SNW1: variants seen among roughly 807,000 people sequenced by gnomAD.
SNW1 encodes the protein SNW domain-containing protein 1.
Under a neutral mutation model 75.6 loss-of-function variants are expected in SNW1, and 9 were observed. That is an observed-to-expected ratio of 0.12 (90% CI 0.07 to 0.21). The LOEUF is 0.21. SNW1 is among the 10% of genes least tolerant of loss of function. The pLI is 1.00. For missense variants in SNW1, 409 were observed against 670.9 expected, an observed-to-expected ratio of 0.61 and a Z score of 4.31; for synonymous variants, 200 against 219.1, an observed-to-expected ratio of 0.91 and a Z score of 0.77.
rs767018975 is a variant in SNW1, at chr14:77,718,015, A to G, written c.*73T>C. 5.0e-6 allele frequency: 7 copies of G among 1,388,768 alleles called. No homozygotes were observed. In the African/African-American group the frequency reaches 7.2e-5, roughly 14 times the overall value. 86.0% of individuals were successfully genotyped at this position (1,388,768 alleles called of 1,614,324 possible). A position where few individuals can be genotyped will look rare whatever the true frequency, so the allele number is the denominator to read the frequency against. On this transcript the variant is annotated 3_prime_UTR_variant, in exon 14 of 14. Transcript: ENST00000261531. ...TTTGGTTTTTATCCTGACCATTTAC[A>G]AAGTGTTCCCCCATATGACTTGCAT...
chr14:77,733,495 A>G (rs2080643433), intron 8 of SNW1, among the ~76,000 whole-genome samples: 1 of 152,096 alleles, frequency 6.6e-6, no homozygotes, highest in Admixed American at 6.6e-5. Context: ...CTGTAATCCC[A>G]ACACTTTGGG....
chr14:77,723,142 CG>C (rs2080556843), intron 11 of SNW1, 38 bp downstream of exon 11: 1 of 1,531,392 alleles, frequency 6.5e-7, no homozygotes, highest in Non-Finnish European at 9.0e-7. Flanking sequence ...CCACTGCGCC[CG>C]GCCACCATGA....
At chr14:77,734,899 T>G in intron 8 of SNW1, 48 bp downstream of exon 8, 1 of 1,285,106 alleles carries the variant, frequency 7.8e-7, no homozygotes, top group Non-Finnish European at 1.1e-6. Context: ...TTTACTGGTG[T>G]TTTCCAGTAG....
chr14:77,718,651 G>A (rs2080510789), intron 12 of SNW1, 121 bp from the exon 13 acceptor site: 4 of 585,126 alleles, frequency 6.8e-6, no homozygotes, highest in Non-Finnish European at 1.2e-5. Context: ...AATCTGAACT[G>A]CAAATTAAAA....
At chr14:77,749,359 A>G (rs901574508) in intron 3 of SNW1, among the ~76,000 whole-genome samples, 2 of 152,222 alleles carry the variant, frequency 1.3e-5, no homozygotes, top group African/African-American at 4.8e-5. Context: ...GAGTGAAAGG[A>G]AAGTGAAGAA....
intron 3 of SNW1, among the ~76,000 whole-genome samples, chr14:77,745,716 G>GT (rs1051124494): frequency 2.7e-5 from 4 of 148,458 alleles, no homozygotes; most frequent in Admixed American, 6.7e-5. Context: ...CAGAAAAAAA[G>GT]TTTTTTTCTT....
At position 77,718,463 on chromosome 14, in the gene SNW1, C is replaced by G. The variant is rs770710684; in HGVS notation, c.1316G>C (p.Gly439Ala). The G allele has an allele frequency of 1.6e-5, 26 of 1,613,972 alleles. No individual in the cohort carries two copies. The highest frequency in any genetic ancestry group is 2.1e-5 in the Non-Finnish European group (25 of 1,179,982). Residue 439 changes from glycine (G) to alanine (A), a missense_variant, in exon 13 of 14, where the codon GGT becomes GCT. Gly to Ala is a moderately conservative substitution (Grantham distance 60). Around this residue, in one of 9 missense-constraint regions of SNW1, gnomAD observed 126 missense variants for 167.6 expected, o/e 0.75. Coordinates refer to ENST00000261531, the MANE Select transcript of SNW1 (RefSeq NM_012245.3). ...IYNVYDQAWR[G>A]GKDMAQSIYR... ...AATACTCTGGGCCATATCTTTACCA[C>G]CTCTCCAGGCTTGATCATAAACATT...
Position 77,732,523 on chromosome 14 carries a change from C to T in SNW1, c.853G>A (p.Ala285Thr), listed in dbSNP as rs1290646315. The change falls in exon 9 of 14, where the codon GCC becomes ACC. Residue 285 changes from alanine (A) to threonine (T), a missense_variant. By Grantham distance (58) the Ala-to-Thr change is moderately conservative. Transcript: ENST00000261531. ...LQTVHINENFAKLAEALYIAD... is the reference protein window; with the variant it reads ...LQTVHINENFTKLAEALYIAD... ...ATGTAGAGGGCTTCTGCCAATTTGG[C>T]GAAATTTTCATTTATGTGTACTGTC... 3.1e-6 allele frequency: 5 copies of T among 1,612,836 alleles called. No individual in the cohort carries two copies. The highest frequency in any genetic ancestry group is 1.7e-5 in the Admixed American group (1 of 60,006).
Position 77,739,645 on chromosome 14 carries a change from T to C in SNW1, c.331-584A>G, listed in dbSNP as rs566112399. 1.8e-3 allele frequency among the ~76,000 whole-genome samples: 270 copies of C among 151,860 alleles called. 1 individual carries two copies. The highest frequency in any genetic ancestry group is 6.2e-3 in the African/African-American group (255 of 41,320). Reference sequence around the variant, plus strand: ...AAAAGAAAAAGAAAAATATATTCTATATATACAACTTATTTTATATCCATT... The same window carrying C: ...AAAAGAAAAAGAAAAATATATTCTACATATACAACTTATTTTATATCCATT... On this transcript the variant is annotated intron_variant, in intron 3 of 13. Coordinates refer to ENST00000261531, the MANE Select transcript of SNW1 (RefSeq NM_012245.3).
chr14:77,738,952 C>G lies in SNW1; in HGVS notation c.426+14G>C. 6.2e-7 allele frequency: 1 copy of G among 1,611,868 alleles called. No individual in the cohort carries two copies. Among genetic ancestry groups the G allele is most frequent in the Non-Finnish European group, 8.5e-7 (1 of 1,177,930 alleles). ...GGATGTAAATAGTCATCGAATATAT[C>G]AATTCCCAGTTACCTCTTTAATAGC... is the stretch of plus-strand genomic sequence containing the variant. On this transcript the variant is annotated intron_variant, in intron 4 of 13. Transcript: ENST00000261531.
chr14:77,750,298 A>C (rs1043775341), intron 3 of SNW1, among the ~76,000 whole-genome samples: 2 of 152,252 alleles, frequency 1.3e-5, no homozygotes, highest in Non-Finnish European at 2.9e-5. Flanking sequence ...AAAAAGGACA[A>C]GTGCAGGATG....
At chr14:77,720,542 A>G (rs750897108) in intron 12 of SNW1, 169 bp downstream of exon 12, 180 of 756,730 alleles carry the variant, frequency 2.4e-4, no homozygotes, top group Non-Finnish European at 3.7e-4. Flanking sequence ...CCACTATAAG[A>G]AGTTAAAATC....
At chr14:77,739,092 A>G in intron 3 of SNW1, 31 bp from the exon 4 acceptor site, 1 of 1,530,652 alleles carries the variant, frequency 6.5e-7, no homozygotes, top group East Asian at 2.3e-5. Flanking sequence ...CAGGCTTAAG[A>G]AAAGCAAACA....
chr14:77,730,937 A>G, intron 10 of SNW1, 51 bp downstream of exon 10: 2 of 1,578,220 alleles, frequency 1.3e-6, no homozygotes, highest in Non-Finnish European at 1.7e-6. Context: ...CTAAAATAAG[A>G]TATATTTTGT....
At position 77,760,802 on chromosome 14, in the gene SNW1, C is replaced by T. The variant is rs529581195; in HGVS notation, c.14+312G>A. 53 of 711,918 alleles carry T rather than the reference C, an allele frequency of 7.4e-5. No individual in the cohort carries two copies. In the African/African-American group the frequency reaches 8.0e-4, roughly 11 times the overall value. The allele number at this position is 711,918 out of a possible 1,614,324, so 44.1% of individuals were successfully genotyped here. ...CCAACCCCATCTCGTTCGCCCGAGC[C>T]GCGGACCTGAGGGAGCGCTGTCCGC... On this transcript the variant is annotated intron_variant, in intron 1 of 13. Transcript: ENST00000261531.
chr14:77,721,588 TAAAC>T (rs1337148065), intron 11 of SNW1, among the ~76,000 whole-genome samples: 1 of 152,212 alleles, frequency 6.6e-6, no homozygotes, highest in East Asian at 1.9e-4. Flanking sequence ...TGTCATTAAT[TAAAC>T]ACTTTCACAC....
At chr14:77,741,461 TA>T (rs1375977815) in intron 3 of SNW1, among the ~76,000 whole-genome samples, 1 of 152,168 alleles carries the variant, frequency 6.6e-6, no homozygotes, top group Non-Finnish European at 1.5e-5. Context: ...GGCTATACAC[TA>T]AAATCTCCAG....
intron 2 of SNW1, among the ~76,000 whole-genome samples, chr14:77,752,614 C>T (rs902772272): frequency 6.6e-6 from 1 of 152,104 alleles, no homozygotes; most frequent in Non-Finnish European, 1.5e-5. Context: ...GAACCCAGAT[C>T]TTTTGAGACT....
At chr14:77,738,678 AT>A in intron 5 of SNW1, 99 bp downstream of exon 5, 1 of 796,066 alleles carries the variant, frequency 1.3e-6, no homozygotes, top group South Asian at 1.6e-5. Flanking sequence ...AAAACAATGC[AT>A]TTATAATGGT....
Sources: gnomAD v4.1 joint callset for allele counts (sites outside exome capture counted in the v4.1 genomes callset) on GRCh38, gnomAD v4.1.1 for gene constraint, gnomAD v4.1.1 regional missense constraint, MANE v1.5 for transcripts, NCBI Gene and HGNC (gene_info 2026-07-23, HGNC 2026-07-21) for gene names.